SAE1: variants seen among roughly 807,000 people sequenced by gnomAD.
SAE1 encodes the protein SUMO1 activating enzyme subunit 1, also known as SUMO-activating enzyme subunit 1.
SAE1 carries 11 observed loss-of-function variants against 40.6 expected under a neutral mutation model. The observed-to-expected ratio is 0.27, with a 90% CI of 0.17 to 0.45. The LOEUF (loss-of-function observed/expected upper bound fraction) is 0.45. Ranked by LOEUF, SAE1 falls within the 20% of genes least tolerant of loss-of-function variation. The probability of loss-of-function intolerance (pLI) is 1.00; values close to 1 mark genes in which losing one functional copy is unlikely to be tolerated. For missense variants in SAE1, 373 were observed against 427.3 expected, an observed-to-expected ratio of 0.87 and a Z score of 1.12; for synonymous variants, 155 against 154.3, an observed-to-expected ratio of 1.00 and a Z score of -0.03.
chr19:47,200,999 G>A (rs978986928), intron 7 of SAE1, among the ~76,000 whole-genome samples: 13 of 151,406 alleles, frequency 8.6e-5, no homozygotes, highest in African/African-American at 2.4e-4. Context: ...CTGGGATTAC[G>A]GGCATACGCC....
At chr19:47,186,166 G>A (rs908230595) in intron 6 of SAE1, among the ~76,000 whole-genome samples, 83 of 151,930 alleles carry the variant, frequency 5.5e-4, no homozygotes, top group African/African-American at 1.9e-3. Context: ...CTTGAACCCA[G>A]GAGGCACAGC....
Position 47,143,573 on chromosome 19 carries a change from G to A in SAE1, c.178G>A (p.Val60Met). The change falls in exon 2 of 9, where the codon GTG becomes ATG. Residue 60 changes from valine to methionine, a missense_variant. This residue lies in a region of SAE1 where 351 missense variants were observed against 390.6 expected (regional missense o/e 0.90). Transcript: ENST00000270225. ...EIAKNLILAGVKGLTMLDHEQ... is the reference protein window; with the variant it reads ...EIAKNLILAGMKGLTMLDHEQ... ...TGCCAAGAATCTCATCTTGGCAGGA[G>A]TGAAAGGACTGACCATGCTGGATCA... is the stretch of plus-strand genomic sequence containing the variant. 1 of 1,614,070 alleles carries A rather than the reference G, an allele frequency of 6.2e-7. No individual in the cohort carries two copies. Among genetic ancestry groups the A allele is most frequent in the South Asian group, 1.1e-5 (1 of 91,086 alleles).
intron 8 of SAE1, among the ~76,000 whole-genome samples, chr19:47,205,765 C>T (rs761973424): frequency 6.6e-6 from 1 of 152,164 alleles, no homozygotes; most frequent in Admixed American, 6.5e-5. Flanking sequence ...CATCTCCCAC[C>T]GGCCCTATGA....
At chr19:47,135,825 G>A (rs934100908) in intron 1 of SAE1, among the ~76,000 whole-genome samples, 1 of 151,404 alleles carries the variant, frequency 6.6e-6, no homozygotes, top group East Asian at 1.9e-4. Context: ...ACGGAGTCTC[G>A]CCGTGTCGCC....
intron 5 of SAE1, among the ~76,000 whole-genome samples, chr19:47,167,920 C>G (rs1289573971): frequency 1.3e-5 from 2 of 152,158 alleles, no homozygotes; most frequent in Non-Finnish European, 2.9e-5. Context: ...TGGCTAGGCA[C>G]AGTGGCTCAC....
At chr19:47,152,851 T>C in intron 3 of SAE1, 47 bp from the exon 4 acceptor site, 1 of 1,591,536 alleles carries the variant, frequency 6.3e-7, no homozygotes, top group Non-Finnish European at 8.6e-7. Context: ...GGGCAGTGAT[T>C]CACAGTTTGC....
chr19:47,157,551 C>T (rs949591136), intron 5 of SAE1, among the ~76,000 whole-genome samples: 2 of 152,164 alleles, frequency 1.3e-5, no homozygotes, highest in Non-Finnish European at 2.9e-5. Flanking sequence ...GGAAGTTTCC[C>T]TGGAGTCAGT....
intron 1 of SAE1, among the ~76,000 whole-genome samples, chr19:47,134,056 T>A (rs1270872401): frequency 2.0e-5 from 3 of 151,752 alleles, no homozygotes; most frequent in Non-Finnish European, 4.4e-5. Context: ...AGAGACGGAG[T>A]TTCACCGTGT....
At chr19:47,192,233 G>T (rs2058583221) in intron 6 of SAE1, among the ~76,000 whole-genome samples, 1 of 151,772 alleles carries the variant, frequency 6.6e-6, no homozygotes, top group Non-Finnish European at 1.5e-5. Context: ...CTTCCTACTG[G>T]TTTGTTGTTG....
At chr19:47,209,069 C>T (rs1264421448) in intron 8 of SAE1, 90 bp from the exon 9 acceptor site, 2 of 1,318,082 alleles carry the variant, frequency 1.5e-6, no homozygotes, top group Non-Finnish European at 2.1e-6. Context: ...CAGTTAAGAA[C>T]CACTGCCCTA....
chr19:47,146,027 T>C (rs941043771), intron 2 of SAE1, among the ~76,000 whole-genome samples: 19 of 55,118 alleles, frequency 3.4e-4, no homozygotes, highest in African/African-American at 1.4e-3. Context: ...TGATCTGAGC[T>C]AAGTCTTAAA....
In SAE1 at chr19:47,210,544, A is replaced by C. The variant is rs1204114670; in HGVS notation, c.*1293A>C. On this transcript the variant is annotated 3_prime_UTR_variant, in exon 9 of 9. Coordinates refer to ENST00000270225, the MANE Select transcript of SAE1 (RefSeq NM_005500.3). Reference sequence around the variant, plus strand: ...AGACCAGGTTTGCCTTGATGCAGCCAAAGTGCGTTCCAGTTCACCCCACTC... The same window carrying C: ...AGACCAGGTTTGCCTTGATGCAGCCCAAGTGCGTTCCAGTTCACCCCACTC... 1.3e-5 allele frequency: 2 copies of C among 152,236 alleles called. No individual in the cohort carries two copies. The highest frequency in any genetic ancestry group is 1.3e-4 in the Admixed American group (2 of 15,280). 9.4% of individuals were successfully genotyped at this position (152,236 alleles called of 1,614,324 possible). A position where few individuals can be genotyped will look rare whatever the true frequency, so the allele number is the denominator to read the frequency against.
chr19:47,168,082 A>C (rs527269373), intron 5 of SAE1, among the ~76,000 whole-genome samples: 1 of 152,206 alleles, frequency 6.6e-6, no homozygotes, highest in South Asian at 2.1e-4. Context: ...AATCCCAGCT[A>C]CTGGGGGCGC....
At chr19:47,131,208 T>C (rs2058139866) in intron 1 of SAE1, 180 bp downstream of exon 1, 4 of 1,370,632 alleles carry the variant, frequency 2.9e-6, no homozygotes, top group South Asian at 3.5e-5. Flanking sequence ...TTCTGGAAGG[T>C]CTGGGAAGTG....
intron 2 of SAE1, among the ~76,000 whole-genome samples, chr19:47,145,152 A>C (rs139748473): frequency 1.3e-5 from 2 of 151,980 alleles, no homozygotes; most frequent in East Asian, 3.9e-4. Flanking sequence ...ACAGGCATGC[A>C]ACACCATGCC....
In SAE1 at chr19:47,155,325, T is replaced by G. The variant is rs1343110090; in HGVS notation, c.627+112T>G. ...CTTCTTGAAGGGGTGGGGCGGGTGC[T>G]TGTCCCATCTAAAGGGAGGCTGCCA... On this transcript the variant is annotated intron_variant, in intron 5 of 8. Coordinates refer to ENST00000270225, the MANE Select transcript of SAE1 (RefSeq NM_005500.3). 9 of 667,034 alleles carry G rather than the reference T, an allele frequency of 1.3e-5. No individual in the cohort carries two copies. The East Asian group carries it at 2.5e-4, about 18-fold the overall frequency. The allele number at this position is 667,034 out of a possible 1,614,324, so 41.3% of individuals were successfully genotyped here.
At chr19:47,180,197 G>C (rs1390407383) in intron 6 of SAE1, 1 of 456,258 alleles carries the variant, frequency 2.2e-6, no homozygotes. Context: ...CATCCCAGAA[G>C]CACTGAACGC....
chr19:47,207,378 GA>G (rs1273904263), intron 8 of SAE1, among the ~76,000 whole-genome samples: 1 of 152,194 alleles, frequency 6.6e-6, no homozygotes, highest in Non-Finnish European at 1.5e-5. Context: ...AGCAGTTCAG[GA>G]TGTGTAGCCC....
chr19:47,152,344 C>T (rs547029444), intron 3 of SAE1, among the ~76,000 whole-genome samples: 3 of 152,268 alleles, frequency 2.0e-5, no homozygotes, highest in Admixed American at 6.5e-5. Flanking sequence ...GGTCTGTAAC[C>T]TTTTCTTTTG....
Sources: gnomAD v4.1 joint callset for allele counts (sites outside exome capture counted in the v4.1 genomes callset) on GRCh38, gnomAD v4.1.1 for gene constraint, gnomAD v4.1.1 regional missense constraint, MANE v1.5 for transcripts, NCBI Gene and HGNC (gene_info 2026-07-23, HGNC 2026-07-21) for gene names.